Variants in PHF20L1 observed in about 807,000 individuals in gnomAD.
The protein encoded by PHF20L1 is PHD finger protein 20-like protein 1.
In PHF20L1, 44 loss-of-function variants were observed where a neutral mutation model predicts 125.5. The ratio of observed to expected loss-of-function variants is 0.35; its 90% CI spans 0.28 to 0.45. PHF20L1 has a LOEUF of 0.45. Ranked by LOEUF, PHF20L1 falls within the 20% of genes least tolerant of loss-of-function variation. The pLI is 1.00. For missense variants in PHF20L1, 1,012 were observed against 1,217.2 expected, an observed-to-expected ratio of 0.83 and a Z score of 2.51; for synonymous variants, 380 against 403.1, an observed-to-expected ratio of 0.94 and a Z score of 0.69.
chr8:132,792,101 G>C (rs1373106091), intron 2 of PHF20L1, among the ~76,000 whole-genome samples: 1 of 152,144 alleles, frequency 6.6e-6, no homozygotes, highest in Admixed American at 6.5e-5. Context: ...TTTAGAATAT[G>C]AGGGAACCTA....
chr8:132,810,938 C>T (rs1382473147), intron 8 of PHF20L1, 108 bp from the exon 9 acceptor site: 5 of 732,534 alleles, frequency 6.8e-6, no homozygotes, highest in South Asian at 3.0e-5. Context: ...TTACTTCCTA[C>T]GTATTAAAAA....
At position 132,784,068 on chromosome 8, in the gene PHF20L1, C is replaced by T. The variant is rs193081389; in HGVS notation, c.83+6157C>T. On this transcript the variant is annotated intron_variant, in intron 2 of 20. Transcript: ENST00000395386. ...TTAAAATTTCCACAAAAGAAAGCCC[C>T]GTAAATTCCTTTGAACAATGCTAAA... Among the ~76,000 whole-genome samples the T allele has an allele frequency of 4.6e-5, 7 of 152,202 alleles. No homozygotes were observed. In the East Asian group the frequency reaches 9.6e-4, roughly 21 times the overall value.
At position 132,819,053 on chromosome 8, in the gene PHF20L1, G is replaced by A. The variant is rs185394112; in HGVS notation, c.1579+1508G>A. ...ATTGTGCATGGAAGTCCTTGACTTCGATGATTTTGCTTCTAACCAGATTAT... is the reference window on the plus strand; with the variant it reads ...ATTGTGCATGGAAGTCCTTGACTTCAATGATTTTGCTTCTAACCAGATTAT... On this transcript the variant is annotated intron_variant, in intron 12 of 20. Coordinates refer to ENST00000395386, the MANE Select transcript of PHF20L1 (RefSeq NM_016018.5). The A allele has an allele frequency of 3.3e-5, 5 of 151,908 alleles. No individual in the cohort carries two copies. The East Asian group carries it at 7.8e-4, about 24-fold the overall frequency. 9.4% of individuals were successfully genotyped at this position (151,908 alleles called of 1,614,324 possible). A position where few individuals can be genotyped will look rare whatever the true frequency, so the allele number is the denominator to read the frequency against.
At chr8:132,812,029 A>T in intron 9 of PHF20L1, 1 of 984,186 alleles carries the variant, frequency 1.0e-6, no homozygotes, top group Non-Finnish European at 1.2e-6. Flanking sequence ...TTTGATAACA[A>T]TGCGTTGTTT....
chr8:132,822,227 G>A (rs1318383595), intron 12 of PHF20L1, among the ~76,000 whole-genome samples: 1 of 151,928 alleles, frequency 6.6e-6, no homozygotes, highest in African/African-American at 2.4e-5. Context: ...CTCTGGGAAT[G>A]ACTGCATCTC....
intron 2 of PHF20L1, chr8:132,789,061 G>A (rs769545691): frequency 2.6e-5 from 4 of 152,034 alleles, no homozygotes; most frequent in Non-Finnish European, 5.9e-5. Flanking sequence ...GAATTCACTG[G>A]TAATAATTCC....
chr8:132,831,572 C>T (rs557355569), intron 14 of PHF20L1, among the ~76,000 whole-genome samples: 1 of 152,148 alleles, frequency 6.6e-6, no homozygotes, highest in African/African-American at 2.4e-5. Flanking sequence ...GTGTGCCAGA[C>T]ATCAGGAGAA....
rs200395445 is a variant in PHF20L1 at position 132,839,503 on chromosome 8, T to G, written c.2308T>G (p.Ser770Ala). ...TCATCTCAATGCCAAAAAGATAGTT[T>G]CTACACATCACCTGCTTGCTGATGT... is the stretch of plus-strand genomic sequence containing the variant. ...YSHLNAKKIV[S>A]THHLLADVYG... Residue 770 changes from serine to alanine, a missense_variant, in exon 18 of 21, where the codon TCT (serine) becomes GCT (alanine). This residue lies in a region of PHF20L1 where 55 missense variants were observed against 114.8 expected (regional missense o/e 0.48). Coordinates refer to ENST00000395386, the MANE Select transcript of PHF20L1 (RefSeq NM_016018.5). 64 of 1,613,438 alleles carry G rather than the reference T, an allele frequency of 4.0e-5. No individual in the cohort carries two copies. The highest frequency in any genetic ancestry group is 3.3e-5 in the Admixed American group (2 of 59,934).
In PHF20L1 at chr8:132,817,468, A is replaced by G; in HGVS notation, c.1502A>G (p.Glu501Gly). 6.2e-7 allele frequency: 1 copy of G among 1,612,596 alleles called. No homozygotes were observed. Among genetic ancestry groups the G allele is most frequent in the Non-Finnish European group, 8.5e-7 (1 of 1,179,164 alleles). Residue 501 changes from glutamate to glycine, a missense_variant, in exon 12 of 21, where the codon GAA becomes GGA. Physicochemically the swap from Glu to Gly is moderately conservative, Grantham distance 98. This residue lies in a region of PHF20L1 where 320 missense variants were observed against 293.8 expected (regional missense o/e 1.09). Transcript: ENST00000395386. The stretch of plus-strand genomic sequence containing the variant: ...TACCGTAATGAATGTCCCAGGGCAG[A>G]AAAAGAGGATACACAGATGCTTCCA... ...SSYRNECPRA[E>G]KEDTQMLPNP...
intron 14 of PHF20L1, among the ~76,000 whole-genome samples, chr8:132,827,741 G>C (rs999729299): frequency 6.6e-6 from 1 of 151,960 alleles, no homozygotes; most frequent in African/African-American, 2.4e-5. Flanking sequence ...CCTTTACAAA[G>C]AGCCATTAAA....
intron 10 of PHF20L1, 42 bp downstream of exon 10, chr8:132,814,931 A>G: frequency 7.2e-7 from 1 of 1,393,646 alleles, no homozygotes; most frequent in South Asian, 1.3e-5. Flanking sequence ...ATCCTATAAG[A>G]TACATTAAAA....
chr8:132,814,403 T>C (rs1414503554), intron 9 of PHF20L1, among the ~76,000 whole-genome samples: 1 of 151,918 alleles, frequency 6.6e-6, no homozygotes, highest in Non-Finnish European at 1.5e-5. Context: ...ATGAATAATA[T>C]ATTTTAAAAA....
intron 2 of PHF20L1, among the ~76,000 whole-genome samples, chr8:132,780,108 T>A (rs1830258697): frequency 6.6e-6 from 1 of 152,182 alleles, no homozygotes; most frequent in Non-Finnish European, 1.5e-5. Context: ...AAGAATATTG[T>A]ATATATGTAT....
intron 14 of PHF20L1, among the ~76,000 whole-genome samples, chr8:132,830,654 C>CT (rs1184702012): frequency 6.6e-6 from 1 of 152,104 alleles, no homozygotes. Flanking sequence ...TGCTCATACT[C>CT]TATCTACCAC....
At chr8:132,837,188 GAAA>G (rs1837455484) in intron 16 of PHF20L1, among the ~76,000 whole-genome samples, 1 of 147,906 alleles carries the variant, frequency 6.8e-6, no homozygotes, top group South Asian at 2.1e-4. Context: ...AAGATAAAAG[GAAA>G]GCATAACCCA....
In PHF20L1 at chr8:132,848,728, T is replaced by C. The variant is rs1838584577; in HGVS notation, c.*2805T>C. The stretch of plus-strand genomic sequence containing the variant: ...CACTCATCTTATTTCCACTGTCTTA[T>C]TTCCTCTCAGATGTTCATATTTCAC... On this transcript the variant is annotated 3_prime_UTR_variant, in exon 21 of 21. Transcript: ENST00000395386. 7.0e-6 allele frequency: 1 copy of C among 143,826 alleles called. No homozygotes were observed. The highest frequency in any genetic ancestry group is 1.6e-5 in the Non-Finnish European group (1 of 63,816). 8.9% of individuals were successfully genotyped at this position (143,826 alleles called of 1,614,324 possible).
chr8:132,782,490 T>A (rs1408837934), intron 2 of PHF20L1, among the ~76,000 whole-genome samples: 1 of 152,178 alleles, frequency 6.6e-6, no homozygotes, highest in East Asian at 1.9e-4. Flanking sequence ...GTTAAGTGAT[T>A]GAGTTTTTAA....
chr8:132,783,007 G>A (rs902780159), intron 2 of PHF20L1, among the ~76,000 whole-genome samples: 1 of 152,028 alleles, frequency 6.6e-6, no homozygotes, highest in Admixed American at 6.6e-5. Flanking sequence ...AAATCACACT[G>A]GCGTTGACTA....
At chr8:132,844,076 G>A in intron 19 of PHF20L1, 80 bp from the exon 20 acceptor site, 1 of 1,572,574 alleles carries the variant, frequency 6.4e-7, no homozygotes, top group Non-Finnish European at 8.6e-7. Context: ...CCAGTGATGA[G>A]GTGTTTCCTG....
Sources: gnomAD v4.1 joint callset for allele counts (sites outside exome capture counted in the v4.1 genomes callset) on GRCh38, gnomAD v4.1.1 for gene constraint, gnomAD v4.1.1 regional missense constraint, MANE v1.5 for transcripts, NCBI Gene and HGNC (gene_info 2026-07-23, HGNC 2026-07-21) for gene names.